ERBB4: variants seen among roughly 807,000 people sequenced by gnomAD.
The protein encoded by ERBB4 is receptor tyrosine-protein kinase erbB-4.
In ERBB4, 42 loss-of-function variants were observed where a neutral mutation model predicts 158.0. That is an observed-to-expected ratio of 0.27 (90% confidence interval 0.21 to 0.34). The LOEUF (loss-of-function observed/expected upper bound fraction) is 0.34, where lower values mean the gene tolerates loss of function less well. Among genes scored for constraint, ERBB4 ranks in the 10% least tolerant of loss-of-function variants. The probability of loss-of-function intolerance (pLI) is 1.00; values close to 1 mark genes in which losing one functional copy is unlikely to be tolerated. For synonymous variants in ERBB4, 583 were observed against 558.7 expected, an observed-to-expected ratio of 1.04 and a Z score of -0.61; for missense variants, 1,333 against 1,624.1, an observed-to-expected ratio of 0.82 and a Z score of 3.08.
intron 1 of ERBB4, among the ~76,000 whole-genome samples, chr2:212,370,655 G>C (rs533999057): frequency 6.6e-6 from 1 of 152,082 alleles, no homozygotes; most frequent in East Asian, 1.9e-4. Flanking sequence ...AATTACCTTA[G>C]GAATTTTATC....
rs367651016 is a variant in ERBB4, at chr2:212,032,813, G to T, written c.235-85197C>A. 2.5e-3 allele frequency among the ~76,000 whole-genome samples: 383 copies of T among 151,902 alleles called. 1 individual carries two copies. The highest frequency in any genetic ancestry group is 8.9e-3 in the African/African-American group (368 of 41,478). On this transcript the variant is annotated intron_variant, in intron 2 of 27. Coordinates refer to ENST00000342788, the MANE Select transcript of ERBB4 (RefSeq NM_005235.3). ...ATAGATGGGCTAGAGAGTGGTTCCTGAAATAAGAAATTATAGGAAGAAATA... is the reference window on the plus strand; with the variant it reads ...ATAGATGGGCTAGAGAGTGGTTCCTTAAATAAGAAATTATAGGAAGAAATA...
At chr2:211,761,732 C>T (rs2075419340) in intron 4 of ERBB4, among the ~76,000 whole-genome samples, 2 of 152,150 alleles carry the variant, frequency 1.3e-5, no homozygotes, top group Non-Finnish European at 2.9e-5. Context: ...AATTAGAGCT[C>T]ACAGTTTAGG....
intron 2 of ERBB4, among the ~76,000 whole-genome samples, chr2:212,105,089 T>C (rs2079186936): frequency 6.6e-6 from 1 of 152,156 alleles, no homozygotes; most frequent in East Asian, 1.9e-4. Context: ...AAAAATCAGA[T>C]GACTTCTGGA....
chr2:212,219,290 T>C (rs2083208628), intron 1 of ERBB4, among the ~76,000 whole-genome samples: 1 of 151,456 alleles, frequency 6.6e-6, no homozygotes, highest in Non-Finnish European at 1.5e-5. Flanking sequence ...GAATTATAAA[T>C]GGTAGGGTGA....
At chr2:211,640,953 C>G (rs192477798) in intron 16 of ERBB4, among the ~76,000 whole-genome samples, 4 of 152,232 alleles carry the variant, frequency 2.6e-5, no homozygotes, top group Non-Finnish European at 4.4e-5. Flanking sequence ...CAGAAATCAG[C>G]AGACAGACAA....
At chr2:212,146,419 C>T (rs1416250451) in intron 1 of ERBB4, among the ~76,000 whole-genome samples, 1 of 152,176 alleles carries the variant, frequency 6.6e-6, no homozygotes, top group Non-Finnish European at 1.5e-5. Context: ...ACTCTAGAAG[C>T]ATATGGTGCT....
At chr2:212,036,033 T>C (rs1196753855) in intron 2 of ERBB4, among the ~76,000 whole-genome samples, 34 of 152,322 alleles carry the variant, frequency 2.2e-4, no homozygotes, top group Non-Finnish European at 4.4e-5. Context: ...TAATTCCTCC[T>C]GTATTACTTA....
intron 3 of ERBB4, among the ~76,000 whole-genome samples, chr2:211,858,852 C>T (rs541327922): frequency 3.7e-3 from 556 of 152,086 alleles, no homozygotes; most frequent in African/African-American, 0.013. Context: ...GTGCGATCTC[C>T]GCTCACTGCA....
intron 19 of ERBB4, among the ~76,000 whole-genome samples, chr2:211,575,534 C>T (rs2067863937): frequency 6.6e-6 from 1 of 152,128 alleles, no homozygotes; most frequent in Non-Finnish European, 1.5e-5. Flanking sequence ...TCACTTAGAG[C>T]TTTACTGTTT....
chr2:211,932,293 C>A (rs1266913186), intron 3 of ERBB4, among the ~76,000 whole-genome samples: 1 of 151,934 alleles, frequency 6.6e-6, no homozygotes, highest in Non-Finnish European at 1.5e-5. Flanking sequence ...CCATTTCTGA[C>A]TTTATGCGTA....
At chr2:212,121,515 A>G (rs1282698755) in intron 2 of ERBB4, among the ~76,000 whole-genome samples, 3 of 152,168 alleles carry the variant, frequency 2.0e-5, no homozygotes, top group South Asian at 2.1e-4. Context: ...GTTAAAGAGT[A>G]TTCTGTTCTT....
intron 20 of ERBB4, among the ~76,000 whole-genome samples, chr2:211,524,116 G>C (rs1003228879): frequency 1.3e-5 from 2 of 151,720 alleles, no homozygotes; most frequent in Admixed American, 6.6e-5. Flanking sequence ...ACAGAGTGCC[G>C]ATTGGTGTAT....
At chr2:212,531,631 C>A (rs1003739804) in intron 1 of ERBB4, among the ~76,000 whole-genome samples, 2 of 152,086 alleles carry the variant, frequency 1.3e-5, no homozygotes, top group East Asian at 3.9e-4. Flanking sequence ...TTATCCTTTA[C>A]AATCCATCTT....
At chr2:212,143,424 A>G (rs2080551678) in intron 1 of ERBB4, among the ~76,000 whole-genome samples, 1 of 152,146 alleles carries the variant, frequency 6.6e-6, no homozygotes, top group African/African-American at 2.4e-5. Context: ...TGGTTATAAG[A>G]GCCAAAATTA....
intron 3 of ERBB4, among the ~76,000 whole-genome samples, chr2:211,860,678 CTT>C (rs1301563828): frequency 1.1e-4 from 16 of 151,170 alleles, no homozygotes; most frequent in Admixed American, 1.1e-3. Context: ...CATATAAATA[CTT>C]AGTGCTATGT....
intron 2 of ERBB4, among the ~76,000 whole-genome samples, chr2:212,105,049 G>T (rs976103742): frequency 4.6e-5 from 7 of 151,982 alleles, no homozygotes; most frequent in African/African-American, 1.7e-4. Flanking sequence ...AAAACCTGGG[G>T]ACTAGAATGC....
intron 12 of ERBB4, among the ~76,000 whole-genome samples, chr2:211,690,347 G>C (rs2072757826): frequency 6.6e-6 from 1 of 152,038 alleles, no homozygotes; most frequent in Non-Finnish European, 1.5e-5. Context: ...GCACTTTACA[G>C]TAAGTGGAAG....
chr2:211,861,124 T>TTATATATATATATTTTTTA (rs1229268256), intron 3 of ERBB4, among the ~76,000 whole-genome samples: 2 of 20,254 alleles, frequency 9.9e-5, no homozygotes, highest in Admixed American at 8.3e-4. Context: ...TATATATATT[T>TTATATATATATATTTTTTA]TATATATATA....
chr2:211,991,310 A>C (rs1010240022), intron 2 of ERBB4, among the ~76,000 whole-genome samples: 1 of 152,164 alleles, frequency 6.6e-6, no homozygotes, highest in African/African-American at 2.4e-5. Context: ...TAAGCAAATA[A>C]AATTACAAAC....
Sources: allele counts gnomAD v4.1 joint callset (sites outside exome capture counted in the v4.1 genomes callset), GRCh38; gene constraint gnomAD v4.1.1; transcripts MANE v1.5; gene names NCBI Gene and HGNC (gene_info 2026-07-23, HGNC 2026-07-21).